The following ANKRD18A variants were observed in gnomAD, a reference collection of about 807,000 sequenced individuals.
ANKRD18A encodes ankyrin repeat domain 18A, also known as ankyrin repeat domain-containing protein 18A.
A neutral mutation model predicts 110.6 loss-of-function variants in ANKRD18A; 72 were observed. That is an observed-to-expected ratio of 0.65 (90% CI 0.54 to 0.79). ANKRD18A has a LOEUF of 0.79. Ranked by LOEUF, ANKRD18A falls within the 30% of genes least tolerant of loss-of-function variation. The pLI, the probability that ANKRD18A is intolerant of heterozygous loss-of-function variation, is 0.00. For missense variants in ANKRD18A, 934 were observed against 1,163.3 expected (o/e 0.80, Z 2.87); for synonymous variants, 305 against 410.3 (o/e 0.74, Z 3.10).
At chr9:38,582,281 T>C (rs1278061772) in intron 12 of ANKRD18A, among the ~76,000 whole-genome samples, 1 of 152,110 alleles carries the variant, frequency 6.6e-6, no homozygotes. Flanking sequence ...AAGGTTCAAA[T>C]GGAGAAAAAA....
Position 38,575,599 on chromosome 9 carries a change from C to T in ANKRD18A, c.2841G>A (p.Glu947=), listed in dbSNP as rs1485055736. 1 of 1,551,618 alleles carries T rather than the reference C, an allele frequency of 6.4e-7. No homozygotes were observed. Residue 947 remains glutamate (E), a synonymous_variant, in exon 15 of 16, where the codon GAG becomes GAA. Coordinates refer to ENST00000399703, the MANE Select transcript of ANKRD18A (RefSeq NM_147195.4). ...LSTLPTRPEP[E]LPCVENLNSI... is the part of the protein sequence containing the mutation. Reference sequence around the variant, plus strand: ...TATTAAGATTTTCAACACAAGGTAACTCTGGTTCTGGCCTTGTAGGAAGAG... The same window carrying T: ...TATTAAGATTTTCAACACAAGGTAATTCTGGTTCTGGCCTTGTAGGAAGAG...
Position 38,596,733 on chromosome 9 carries a change from T to C in ANKRD18A, c.937-330A>G, listed in dbSNP as rs146060999. ...GTTAAAAAATTTGACTAAATTAAAATCTTGGAAAAAGGAAATTGCATTTAT... is the reference window on the plus strand; with the variant it reads ...GTTAAAAAATTTGACTAAATTAAAACCTTGGAAAAAGGAAATTGCATTTAT... On this transcript the variant is annotated intron_variant, in intron 8 of 15. Transcript: ENST00000399703. Among the ~76,000 whole-genome samples the C allele has an allele frequency of 7.3e-3, 1,115 of 152,238 alleles. 13 individuals are homozygous for C. Among genetic ancestry groups the C allele is most frequent in the African/African-American group, 0.024 (1,017 of 41,560 alleles).
At chr9:38,617,437 C>T (rs1208409438) in intron 1 of ANKRD18A, among the ~76,000 whole-genome samples, 2 of 151,762 alleles carry the variant, frequency 1.3e-5, no homozygotes, top group Middle Eastern at 3.4e-3. Context: ...GAGACTCTGT[C>T]GCAAAACGAA....
Position 38,595,681 on chromosome 9 carries a change from AT to A in ANKRD18A, c.1658del (p.Asn553IlefsTer8). On this transcript the variant is annotated frameshift_variant, in exon 9 of 16. Transcript: ENST00000399703. LOFTEE classifies it high-confidence loss of function. ...CCTCTAGTTGTCGTTCAAGCAAGAGATTTTCAAGTTCTTGTTGACGTATTCT... is the reference window on the plus strand; with the variant it reads ...CCTCTAGTTGTCGTTCAAGCAAGAGATTTCAAGTTCTTGTTGACGTATTCT... ...EERIRQQELE[N>X]LLLERQLEDA... 1 of 1,551,062 alleles carries A rather than the reference AT, an allele frequency of 6.4e-7. No homozygotes were observed. The highest frequency in any genetic ancestry group is 8.7e-7 in the Non-Finnish European group (1 of 1,146,652).
In ANKRD18A at chr9:38,594,529, C is replaced by T. The variant is rs568364929; in HGVS notation, c.1855-620G>A. On this transcript the variant is annotated intron_variant, in intron 9 of 15. Transcript: ENST00000399703. Reference sequence around the variant, plus strand: ...AATTATAAATACCTGCCAGTGGAAACATTACATCAAATATTTTTTTGCTAA... The same window carrying T: ...AATTATAAATACCTGCCAGTGGAAATATTACATCAAATATTTTTTTGCTAA... Among the ~76,000 whole-genome samples, 185 of 152,224 alleles carry T rather than the reference C, an allele frequency of 1.2e-3. 1 individual carries two copies. Among genetic ancestry groups the T allele is most frequent in the African/African-American group, 4.1e-3 (169 of 41,544 alleles).
chr9:38,569,140 G>C, downstream of ANKRD18A: 2 of 985,406 alleles, frequency 2.0e-6, no homozygotes, highest in South Asian at 4.7e-5. Flanking sequence ...GTTGTCTCTG[G>C]ACCTGCATCT....
Position 38,595,596 on chromosome 9 carries a change from C to T in ANKRD18A, c.1744G>A (p.Glu582Lys). The change falls in exon 9 of 16, where the codon GAG (glutamate) becomes AAG (lysine). Residue 582 changes from glutamate to lysine, a missense_variant. Glu to Lys is a moderately conservative substitution (Grantham distance 56). This residue lies in a region of ANKRD18A where 630 missense variants were observed against 797.5 expected (regional missense o/e 0.79). Transcript: ENST00000399703. ...TCTAGAAGATCTTCCTTTCCATTCT[C>T]AAGACAGTCTCTGTGGATATTAATG... ...IVINIHRDCL[E>K]NGKEDLLEER... 1 of 1,550,644 alleles carries T rather than the reference C, an allele frequency of 6.4e-7. No individual in the cohort carries two copies. The highest frequency in any genetic ancestry group is 8.7e-7 in the Non-Finnish European group (1 of 1,146,466).
Position 38,603,139 on chromosome 9 carries a change from A to G in ANKRD18A, c.862+20T>C. On this transcript the variant is annotated intron_variant, in intron 7 of 15. Transcript: ENST00000399703. ...CCAGTCTCTTTACATGGTTAGGAGT[A>G]GAGAACTCAAGTGTCTTACCTTTTG... 1 of 1,527,508 alleles carries G rather than the reference A, an allele frequency of 6.5e-7. No individual in the cohort carries two copies. The highest frequency in any genetic ancestry group is 1.2e-5 in the South Asian group (1 of 83,722). 94.6% of individuals were successfully genotyped at this position (1,527,508 alleles called of 1,614,324 possible). A position where few individuals can be genotyped will look rare whatever the true frequency, so the allele number is the denominator to read the frequency against.
chr9:38,584,500 T>C (rs1488033369), intron 12 of ANKRD18A, among the ~76,000 whole-genome samples: 1 of 152,100 alleles, frequency 6.6e-6, no homozygotes, highest in Admixed American at 6.6e-5. Context: ...ACTCTGAAAA[T>C]AGTAAAATTG....
At chr9:38,603,301 T>G (rs1825210919) in intron 6 of ANKRD18A, 89 bp from the exon 7 acceptor site, 2 of 1,520,188 alleles carry the variant, frequency 1.3e-6, no homozygotes, top group Non-Finnish European at 1.8e-6. Context: ...TTACTCTGCA[T>G]GCTTACCCTA....
At chr9:38,578,240 G>T in intron 12 of ANKRD18A, 92 bp from the exon 13 acceptor site, 1 of 1,195,058 alleles carries the variant, frequency 8.4e-7, no homozygotes, top group Non-Finnish European at 1.2e-6. Context: ...GCATTGACTT[G>T]AAATAAAATG....
At chr9:38,578,557 C>T (rs1481828242) in intron 12 of ANKRD18A, among the ~76,000 whole-genome samples, 1 of 152,092 alleles carries the variant, frequency 6.6e-6, no homozygotes, top group Non-Finnish European at 1.5e-5. Flanking sequence ...CAATAAATGG[C>T]TCTCAGAATA....
chr9:38,584,625 C>T (rs1587495953), intron 12 of ANKRD18A, among the ~76,000 whole-genome samples: 2 of 152,236 alleles, frequency 1.3e-5, no homozygotes, highest in East Asian at 3.9e-4. Context: ...TGGGCTGCTT[C>T]GTTTCAGATC....
intron 6 of ANKRD18A, among the ~76,000 whole-genome samples, chr9:38,605,867 G>T (rs1161066878): frequency 1.3e-5 from 2 of 152,052 alleles, no homozygotes; most frequent in East Asian, 3.9e-4. Context: ...GCCTTCCTTG[G>T]TCTCCCATGT....
intron 10 of ANKRD18A, among the ~76,000 whole-genome samples, chr9:38,593,374 A>G (rs1331158261): frequency 1.3e-5 from 2 of 152,212 alleles, no homozygotes; most frequent in East Asian, 3.8e-4. Context: ...GTCCATTCAC[A>G]AAAGTGAAGA....
chr9:38,592,692 G>C (rs966559283), intron 10 of ANKRD18A, among the ~76,000 whole-genome samples: 25 of 152,104 alleles, frequency 1.6e-4, no homozygotes, highest in African/African-American at 5.8e-4. Context: ...AGGTCCATCA[G>C]CTGATGAATG....
chr9:38,601,036 G>A, intron 8 of ANKRD18A, 95 bp downstream of exon 8: 1 of 1,094,910 alleles, frequency 9.1e-7, no homozygotes, highest in Non-Finnish European at 1.3e-6. Context: ...TAAAAGGATA[G>A]TCTAAAAGGT....
intron 10 of ANKRD18A, among the ~76,000 whole-genome samples, chr9:38,590,263 A>G (rs544328017): frequency 1.1e-5 from 1 of 90,774 alleles, no homozygotes; most frequent in East Asian, 3.0e-4. Context: ...TCTTTTTCTT[A>G]TTTATTTTTT....
intron 13 of ANKRD18A, 38 bp downstream of exon 13, chr9:38,577,829 C>G: frequency 6.5e-7 from 1 of 1,546,024 alleles, no homozygotes; most frequent in Non-Finnish European, 8.7e-7. Flanking sequence ...TAAATGAAAG[C>G]CCATTACAGA....
Sources: allele counts gnomAD v4.1 joint callset (sites outside exome capture counted in the v4.1 genomes callset), GRCh38; gene constraint gnomAD v4.1.1; regional missense constraint gnomAD v4.1.1; transcripts MANE v1.5; gene names NCBI Gene and HGNC (gene_info 2026-07-23, HGNC 2026-07-21).